The following CAP2 variants were observed in gnomAD, a reference collection of about 807,000 sequenced individuals.
The protein encoded by CAP2 is adenylyl cyclase-associated protein 2.
In CAP2, 24 loss-of-function variants were observed where a neutral mutation model predicts 57.7. The observed-to-expected ratio is 0.42, with a 90% CI of 0.30 to 0.58. The LOEUF is 0.58. CAP2 is among the 20% of genes least tolerant of loss of function. The pLI, the probability that CAP2 is intolerant of heterozygous loss-of-function variation, is 0.22. For synonymous variants in CAP2, 194 were observed against 207.2 expected (o/e 0.94, Z 0.55); for missense variants, 501 against 590.3 (o/e 0.85, Z 1.57).
At chr6:17,492,354 G>C (rs1346683577) in intron 4 of CAP2, among the ~76,000 whole-genome samples, 3 of 152,168 alleles carry the variant, frequency 2.0e-5, no homozygotes, top group African/African-American at 7.2e-5. Flanking sequence ...CAGAACTGAG[G>C]GAAGGTAACT....
At chr6:17,443,925 T>C (rs1286168705) in intron 3 of CAP2, among the ~76,000 whole-genome samples, 1 of 152,228 alleles carries the variant, frequency 6.6e-6, no homozygotes, top group Non-Finnish European at 1.5e-5. Context: ...AAATATAAGA[T>C]GTTTTAGTGA....
intron 4 of CAP2, among the ~76,000 whole-genome samples, chr6:17,478,274 A>G (rs1436204640): frequency 6.8e-6 from 1 of 148,004 alleles, no homozygotes; most frequent in Non-Finnish European, 1.5e-5. Context: ...AGCTGGGACC[A>G]CAGACGTGCA....
Position 17,539,346 on chromosome 6 carries a change from G to A in CAP2, c.714G>A (p.Leu238=). The change falls in exon 8 of 13, where the codon CTG becomes CTA. Residue 238 remains leucine (L), a synonymous_variant. Transcript: ENST00000229922. Reference sequence around the variant, plus strand: ...GCCTTCCTCCACCCCCTCCTCCTCTGCCTCCTCCAGGGCCACCTCCACTTT... The same window carrying A: ...GCCTTCCTCCACCCCCTCCTCCTCTACCTCCTCCAGGGCCACCTCCACTTT... ...GPGLPPPPPP[L]PPPGPPPLFE... 1 of 1,613,912 alleles carries A rather than the reference G, an allele frequency of 6.2e-7. No individual in the cohort carries two copies. Among genetic ancestry groups the A allele is most frequent in the Non-Finnish European group, 8.5e-7 (1 of 1,179,866 alleles).
At position 17,514,139 on chromosome 6, in the gene CAP2, A is replaced by C. The variant is rs552373143; in HGVS notation, c.636+185A>C. Among the ~76,000 whole-genome samples the C allele has an allele frequency of 6.0e-4, 91 of 152,160 alleles. 1 individual carries two copies. The highest frequency in any genetic ancestry group is 2.0e-3 in the African/African-American group (82 of 41,514). ...AGCACTTTGGGAGGCTGAGCTGGGC[A>C]GATCATTGAGGTCAGGAGTTCAAGA... is the stretch of plus-strand genomic sequence containing the variant. On this transcript the variant is annotated intron_variant, in intron 7 of 12. Coordinates refer to ENST00000229922, the MANE Select transcript of CAP2 (RefSeq NM_006366.3).
rs148894571 is a variant in CAP2 at position 17,453,898 on chromosome 6, A to ATTCT, written c.223-9095_223-9092dup. Among the ~76,000 whole-genome samples, 39 of 110,890 alleles carry ATTCT rather than the reference A, an allele frequency of 3.5e-4. 2 individuals carry two copies. The highest frequency in any genetic ancestry group is 1.6e-3 in the African/African-American group (35 of 21,758). 72.7% of individuals were successfully genotyped at this position (110,890 alleles called of 152,430 possible). A position where few individuals can be genotyped will look rare whatever the true frequency, so the allele number is the denominator to read the frequency against. ...TTGTCCCAGGGCTCTTTCTCTTTTT[A>ATTCT]TTCTTTTTTTTTTTTTTTTTTCCTT... On this transcript the variant is annotated intron_variant, in intron 3 of 12. Transcript: ENST00000229922.
At chr6:17,500,144 C>G (rs1269733393) in intron 4 of CAP2, among the ~76,000 whole-genome samples, 1 of 150,038 alleles carries the variant, frequency 6.7e-6, no homozygotes, top group Non-Finnish European at 1.5e-5. Context: ...CAAAATGTTC[C>G]TGGACAGTAA....
intron 4 of CAP2, among the ~76,000 whole-genome samples, chr6:17,496,357 T>G (rs1349587807): frequency 6.6e-6 from 1 of 152,176 alleles, no homozygotes; most frequent in African/African-American, 2.4e-5. Flanking sequence ...AAGTGAATTG[T>G]GGGCCACCAA....
At chr6:17,464,411 T>G (rs770682370) in intron 4 of CAP2, among the ~76,000 whole-genome samples, 2 of 152,158 alleles carry the variant, frequency 1.3e-5, no homozygotes, top group Non-Finnish European at 2.9e-5. Flanking sequence ...ATCCAGAACT[T>G]TGACCTTCAG....
chr6:17,419,536 G>A (rs1009173735), intron 1 of CAP2, among the ~76,000 whole-genome samples: 4 of 152,144 alleles, frequency 2.6e-5, no homozygotes, highest in Non-Finnish European at 5.9e-5. Context: ...ATTAGATTGG[G>A]TTTCATTCCT....
At chr6:17,493,832 T>C (rs1225995105) in intron 4 of CAP2, among the ~76,000 whole-genome samples, 5 of 151,604 alleles carry the variant, frequency 3.3e-5, no homozygotes, top group African/African-American at 1.2e-4. Context: ...ACTCATCAGT[T>C]GTGGCCCCTG....
chr6:17,555,472 G>A (rs1022081140), intron 12 of CAP2, among the ~76,000 whole-genome samples: 8 of 151,748 alleles, frequency 5.3e-5, no homozygotes, highest in South Asian at 4.2e-4. Flanking sequence ...AGGATTACAG[G>A]CATGAGCCAC....
At chr6:17,480,984 A>G (rs1761275704) in intron 4 of CAP2, among the ~76,000 whole-genome samples, 2 of 128,480 alleles carry the variant, frequency 1.6e-5, no homozygotes, top group African/African-American at 3.0e-5. Context: ...TTTTTAGTAG[A>G]GACAGGGTTT....
intron 3 of CAP2, among the ~76,000 whole-genome samples, chr6:17,446,476 G>A (rs894646910): frequency 3.3e-5 from 5 of 152,182 alleles, no homozygotes; most frequent in Admixed American, 2.0e-4. Context: ...GGGACAAAAA[G>A]ACAGGAAAAG....
intron 7 of CAP2, among the ~76,000 whole-genome samples, chr6:17,532,764 A>G (rs72835449): frequency 1.7e-5 from 2 of 121,186 alleles, no homozygotes; most frequent in Non-Finnish European, 1.8e-5. Flanking sequence ...CACACACACA[A>G]AAAAAACTGG....
At chr6:17,486,535 G>A (rs1295691563) in intron 4 of CAP2, among the ~76,000 whole-genome samples, 1 of 152,196 alleles carries the variant, frequency 6.6e-6, no homozygotes, top group African/African-American at 2.4e-5. Flanking sequence ...GAGCCCAGGA[G>A]GTCCAGGCTG....
chr6:17,395,065 TTAAGGA>T lies in CAP2; in HGVS notation c.-2+1323_-2+1328del, dbSNP rs36063051. ...AATCAAAGTGTCATATAAATACTTC[TTAAGGA>T]TAAAGAGAAAAAGAAGTTGACTATG... On this transcript the variant is annotated intron_variant, in intron 1 of 12. Transcript: ENST00000229922. 3.1e-3 allele frequency among the ~76,000 whole-genome samples: 469 copies of T among 152,306 alleles called. 3 individuals carry two copies. Among genetic ancestry groups the T allele is most frequent in the African/African-American group, 0.011 (447 of 41,558 alleles).
chr6:17,542,187 GC>G (rs1029159891), intron 9 of CAP2, among the ~76,000 whole-genome samples: 6 of 152,152 alleles, frequency 3.9e-5, no homozygotes, highest in Non-Finnish European at 4.4e-5. Context: ...TAATCAGGCA[GC>G]AAGACAGACC....
intron 11 of CAP2, among the ~76,000 whole-genome samples, chr6:17,546,301 G>T (rs1293027279): frequency 6.6e-6 from 1 of 152,218 alleles, no homozygotes; most frequent in Non-Finnish European, 1.5e-5. Flanking sequence ...CAGTGATGAT[G>T]ATGCATTTTT....
chr6:17,435,732 AC>A lies in CAP2; in HGVS notation c.222+9043del, dbSNP rs1305820437. On this transcript the variant is annotated intron_variant, in intron 3 of 12. Transcript: ENST00000229922. ...AGTTTACGGATAAAAAAAAAAAAAAACAAAAAAAAAACAATATATTCTAGAG... is the reference window on the plus strand; with the variant it reads ...AGTTTACGGATAAAAAAAAAAAAAAAAAAAAAAAAACAATATATTCTAGAG... 5.0e-3 allele frequency among the ~76,000 whole-genome samples: 658 copies of A among 132,186 alleles called. 6 individuals carry two copies. Among genetic ancestry groups the A allele is most frequent in the African/African-American group, 0.01 (273 of 26,892 alleles). The allele number at this position is 132,186 out of a possible 152,430, so 86.7% of individuals were successfully genotyped here.
Sources: allele counts gnomAD v4.1 joint callset (sites outside exome capture counted in the v4.1 genomes callset), GRCh38; gene constraint gnomAD v4.1.1; transcripts MANE v1.5; gene names NCBI Gene and HGNC (gene_info 2026-07-23, HGNC 2026-07-21).